Variants in PTPRC observed in about 807,000 individuals in gnomAD.
The protein encoded by PTPRC is receptor-type tyrosine-protein phosphatase C.
In PTPRC, 44 loss-of-function variants were observed where a neutral mutation model predicts 155.9. That is an observed-to-expected ratio of 0.28 (90% CI 0.22 to 0.36). The LOEUF (loss-of-function observed/expected upper bound fraction) is 0.36. Ranked by LOEUF, PTPRC falls within the 10% of genes least tolerant of loss-of-function variation. PTPRC has a pLI of 1.00. For missense variants in PTPRC, 1,401 were observed against 1,564.6 expected (o/e 0.90, Z 1.76); for synonymous variants, 525 against 533.1 (o/e 0.98, Z 0.21).
intron 26 of PTPRC, 120 bp from the exon 27 acceptor site, chr1:198,747,989 G>A (rs1655210321): frequency 3.5e-6 from 5 of 1,428,188 alleles, no homozygotes; most frequent in Middle Eastern, 2.6e-4. Flanking sequence ...TGGCCTATAG[G>A]GAGCATATGC....
At chr1:198,712,831 A>G in intron 11 of PTPRC, 122 bp from the exon 12 acceptor site, 1 of 1,142,958 alleles carries the variant, frequency 8.7e-7, no homozygotes, top group Non-Finnish European at 1.3e-6. Context: ...ATTTCTTTAA[A>G]TTTTATTTTG....
At chr1:198,730,680 C>T (rs1052470468) in intron 17 of PTPRC, among the ~76,000 whole-genome samples, 5 of 152,040 alleles carry the variant, frequency 3.3e-5, no homozygotes, top group African/African-American at 1.2e-4. Flanking sequence ...CACCTTGGAA[C>T]GCAGTAGAAT....
At position 198,716,780 on chromosome 1, in the gene PTPRC, A is replaced by G. The variant is rs1014891412; in HGVS notation, c.1390A>G (p.Ile464Val). 2 of 1,613,578 alleles carry G rather than the reference A, an allele frequency of 1.2e-6. No individual in the cohort carries two copies. Among genetic ancestry groups the G allele is most frequent in the Admixed American group, 3.3e-5 (2 of 60,028 alleles). ...TGTTTTATCATTACATGCCTACATC[A>G]TTGCAAAAGTGCAACGTAATGGAAG... ...KYVLSLHAYI[I>V]AKVQRNGSAA... The change falls in exon 13 of 33, where the codon ATT becomes GTT. Residue 464 changes from isoleucine to valine, a missense_variant. By Grantham distance (29) the Ile-to-Val change is conservative. Around this residue, in one of 3 missense-constraint regions of PTPRC, gnomAD observed 867 missense variants for 970.4 expected, o/e 0.89. Transcript: ENST00000442510.
intron 27 of PTPRC, among the ~76,000 whole-genome samples, chr1:198,748,650 T>C (rs1655248044): frequency 6.6e-6 from 1 of 151,824 alleles, no homozygotes; most frequent in Non-Finnish European, 1.5e-5. Flanking sequence ...AAATACTCTA[T>C]AAATTCTAAA....
chr1:198,657,712 A>G (rs986741655), intron 2 of PTPRC: 1 of 152,120 alleles, frequency 6.6e-6, no homozygotes, highest in Admixed American at 6.5e-5. Context: ...CATTCTTGCT[A>G]AATATTCTTC....
At chr1:198,658,760 G>A (rs982595622) in intron 2 of PTPRC, among the ~76,000 whole-genome samples, 1 of 151,936 alleles carries the variant, frequency 6.6e-6, no homozygotes, top group Non-Finnish European at 1.5e-5. Context: ...GTTCCTTTCT[G>A]GAAAATTATG....
At chr1:198,658,222 T>C (rs1663711373) in intron 2 of PTPRC, among the ~76,000 whole-genome samples, 1 of 152,190 alleles carries the variant, frequency 6.6e-6, no homozygotes, top group Non-Finnish European at 1.5e-5. Context: ...TACATATTTG[T>C]TGAATTAATA....
At chr1:198,662,545 T>C (rs1664034877) in intron 2 of PTPRC, among the ~76,000 whole-genome samples, 2 of 151,704 alleles carry the variant, frequency 1.3e-5, no homozygotes, top group Admixed American at 6.6e-5. Context: ...TATTTTAAAC[T>C]GGAATGTTTT....
intron 12 of PTPRC, 45 bp from the exon 13 acceptor site, chr1:198,716,637 C>G (rs1294422151): frequency 6.4e-7 from 1 of 1,564,108 alleles, no homozygotes; most frequent in African/African-American, 1.4e-5. Context: ...CGTGGTAGTA[C>G]TGACTTTTAA....
chr1:198,642,127 A>C (rs1487205390), intron 2 of PTPRC, among the ~76,000 whole-genome samples: 1 of 152,012 alleles, frequency 6.6e-6, no homozygotes, highest in African/African-American at 2.4e-5. Flanking sequence ...GCTAGGGCCT[A>C]TATTATCTTT....
chr1:198,727,467 T>C (rs1346181955), intron 15 of PTPRC, among the ~76,000 whole-genome samples: 1 of 152,118 alleles, frequency 6.6e-6, no homozygotes, highest in Non-Finnish European at 1.5e-5. Flanking sequence ...ATTTTTTTTG[T>C]GAATAGTGAA....
At position 198,699,746 on chromosome 1, in the gene PTPRC, T is replaced by A. The variant is rs373928847; in HGVS notation, c.439+42T>A. 4 of 1,611,108 alleles carry A rather than the reference T, an allele frequency of 2.5e-6. No homozygotes were observed. In the African/African-American group the frequency reaches 5.3e-5, roughly 22 times the overall value. On this transcript the variant is annotated intron_variant, in intron 5 of 32. Coordinates refer to ENST00000442510, the MANE Select transcript of PTPRC (RefSeq NM_002838.5). ...GACTTGTGCAAATATGAAAAGTACA[T>A]GACGACTACCTGTATTTAAGAATGG...
chr1:198,720,025 TG>T (rs757955458), intron 14 of PTPRC, among the ~76,000 whole-genome samples: 7 of 152,180 alleles, frequency 4.6e-5, no homozygotes, highest in Non-Finnish European at 7.3e-5. Context: ...TGATAGATGA[TG>T]CCATAGTTGT....
chr1:198,703,408 C>T (rs1175204179), intron 7 of PTPRC, 36 bp downstream of exon 7: 1 of 1,609,300 alleles, frequency 6.2e-7, no homozygotes, highest in African/African-American at 1.3e-5. Flanking sequence ...CACACCATCC[C>T]CATGTGCCTG....
chr1:198,718,743 T>C (rs1653727795), intron 14 of PTPRC, among the ~76,000 whole-genome samples: 1 of 152,144 alleles, frequency 6.6e-6, no homozygotes, highest in South Asian at 2.1e-4. Context: ...ATACAGAATT[T>C]AAAACACTCA....
chr1:198,643,681 A>G (rs751559799), intron 2 of PTPRC, among the ~76,000 whole-genome samples: 13 of 151,836 alleles, frequency 8.6e-5, no homozygotes, highest in Non-Finnish European at 1.6e-4. Context: ...TGCTCTTTGG[A>G]CATTCTAGGT....
intron 23 of PTPRC, among the ~76,000 whole-genome samples, chr1:198,738,135 G>T (rs184074859): frequency 6.6e-6 from 1 of 151,718 alleles, no homozygotes; most frequent in South Asian, 2.1e-4. Flanking sequence ...TTTCCAATTT[G>T]GATGCCTTGT....
At position 198,752,708 on chromosome 1, in the gene PTPRC, C is replaced by G. The variant is rs770621168; in HGVS notation, c.3445C>G (p.Pro1149Ala). 5.0e-6 allele frequency: 8 copies of G among 1,612,818 alleles called. No individual in the cohort carries two copies. Among genetic ancestry groups the G allele is most frequent in the Non-Finnish European group, 5.1e-6 (6 of 1,179,402 alleles). ...SMIQVVKQKL[P>A]QKNSSEGNKH... is the part of the protein sequence containing the mutation. ...GATTCAGGTCGTCAAACAAAAACTT[C>G]CCCAGAAGAATTCCTCTGAAGGGAA... is the stretch of plus-strand genomic sequence containing the variant. The change falls in exon 31 of 33, where the codon CCC becomes GCC. Residue 1149 changes from proline (P) to alanine (A), a missense_variant. By Grantham distance (27) the Pro-to-Ala change is conservative. Coordinates refer to ENST00000442510, the MANE Select transcript of PTPRC (RefSeq NM_002838.5).
intron 2 of PTPRC, among the ~76,000 whole-genome samples, chr1:198,658,101 T>C (rs928445696): frequency 2.0e-5 from 3 of 152,166 alleles, no homozygotes; most frequent in Admixed American, 6.5e-5. Context: ...GGAATACCCT[T>C]CCTTATTTGG....
Sources: allele counts gnomAD v4.1 joint callset (sites outside exome capture counted in the v4.1 genomes callset), GRCh38; gene constraint gnomAD v4.1.1; regional missense constraint gnomAD v4.1.1; transcripts MANE v1.5; gene names NCBI Gene and HGNC (gene_info 2026-07-23, HGNC 2026-07-21).